The following TMEM272 variants were observed in gnomAD, a reference collection of about 807,000 sequenced individuals.
TMEM272 encodes the protein transmembrane protein 272.
Under a neutral mutation model 3.7 loss-of-function variants are expected in TMEM272, and 8 were observed. The ratio of observed to expected loss-of-function variants is 2.17; its 90% CI spans 1.27 to 3.91. The LOEUF (loss-of-function observed/expected upper bound fraction) is 3.91, where lower values mean the gene tolerates loss of function less well. TMEM272 is among the 30% of genes most tolerant of loss of function. The pLI, the probability that TMEM272 is intolerant of heterozygous loss-of-function variation, is 0.00. For synonymous variants in TMEM272, 63 were observed against 39.8 expected (o/e 1.58, Z -2.20); for missense variants, 166 against 91.5 (o/e 1.81, Z -3.32).
intron 3 of TMEM272, among the ~76,000 whole-genome samples, chr13:51,822,978 G>C (rs1025660060): frequency 6.6e-6 from 1 of 152,254 alleles, no homozygotes; most frequent in African/African-American, 2.4e-5. Flanking sequence ...ACACACCTTT[G>C]CTATGGGAGA....
chr13:51,926,279 C>G, the TMEM272 span, among the ~76,000 whole-genome samples: 1 of 152,120 alleles, frequency 6.6e-6, no homozygotes, highest in Non-Finnish European at 1.5e-5. Context: ...GAGATGGGAG[C>G]CCCTCCCGCA....
upstream of TMEM272, among the ~76,000 whole-genome samples, chr13:51,849,791 C>G (rs1473550370): frequency 3.3e-5 from 5 of 152,270 alleles, no homozygotes; most frequent in East Asian, 9.7e-4. Context: ...GCTCCAAGGC[C>G]GAGGGTCTAA....
At chr13:51,928,115 G>C in the TMEM272 span, among the ~76,000 whole-genome samples, 1 of 151,752 alleles carries the variant, frequency 6.6e-6, no homozygotes, top group Non-Finnish European at 1.5e-5. Context: ...GGTCTGGCCT[G>C]GTGTCCAGTA....
At chr13:51,890,743 C>T in the TMEM272 span, among the ~76,000 whole-genome samples, 1 of 152,198 alleles carries the variant, frequency 6.6e-6, no homozygotes, top group African/African-American at 2.4e-5. Context: ...AATGGAGTCA[C>T]TCGTGCTAGG....
chr13:51,881,763 T>C, the TMEM272 span, among the ~76,000 whole-genome samples: 1 of 152,028 alleles, frequency 6.6e-6, no homozygotes, highest in African/African-American at 2.4e-5. Flanking sequence ...AGCCAGGAAA[T>C]GAGCTCTCAC....
the TMEM272 span, among the ~76,000 whole-genome samples, chr13:51,917,664 A>G: frequency 6.6e-6 from 1 of 152,344 alleles, no homozygotes; most frequent in East Asian, 1.9e-4. Flanking sequence ...CAATTCTGCT[A>G]ATTACTAAGT....
chr13:51,921,420 C>G, the TMEM272 span: 4 of 152,224 alleles, frequency 2.6e-5, no homozygotes, highest in Admixed American at 2.0e-4. Context: ...GATCCAAGGG[C>G]AGGAAAGAAG....
chr13:51,858,161 G>A, the TMEM272 span, among the ~76,000 whole-genome samples: 1 of 152,190 alleles, frequency 6.6e-6, no homozygotes, highest in Admixed American at 6.5e-5. Flanking sequence ...ATCTCTCTCA[G>A]TAACTGACAG....
rs376172918 is a variant in TMEM272, at chr13:51,824,932, G to A, written c.118+1634C>T. Among the ~76,000 whole-genome samples the A allele has an allele frequency of 3.9e-5, 6 of 152,310 alleles. No individual in the cohort carries two copies. In the South Asian group the frequency reaches 8.3e-4, roughly 21 times the overall value. On this transcript the variant is annotated intron_variant, in intron 3 of 4. Transcript: ENST00000629372. ...CGCTCCACTGCACTCCGGCCTGGGC[G>A]ACAGAGTGAGACCCTGTCTCAAAAG...
the TMEM272 span, chr13:51,908,312 G>C: frequency 4.9e-6 from 6 of 1,221,110 alleles, no homozygotes; most frequent in Non-Finnish European, 7.0e-6. Flanking sequence ...TGTGGGGGTG[G>C]GGGTGGGGGC....
chr13:51,824,024 A>C (rs1956102677), intron 3 of TMEM272, among the ~76,000 whole-genome samples: 1 of 152,214 alleles, frequency 6.6e-6, no homozygotes, highest in East Asian at 1.9e-4. Flanking sequence ...CTTGGTGCCA[A>C]ATTTGTTGGA....
the TMEM272 span, among the ~76,000 whole-genome samples, chr13:51,887,667 G>T: frequency 2.8e-4 from 43 of 152,134 alleles, no homozygotes; most frequent in Non-Finnish European, 4.9e-4. Flanking sequence ...CCTACTTAAA[G>T]GGAATTAGAG....
At chr13:51,896,468 A>AC in the TMEM272 span, among the ~76,000 whole-genome samples, 1 of 152,108 alleles carries the variant, frequency 6.6e-6, no homozygotes, top group African/African-American at 2.4e-5. Context: ...AGGAGAGGGC[A>AC]CCCTCTCACA....
chr13:51,855,180 G>C, the TMEM272 span, among the ~76,000 whole-genome samples: 16 of 152,312 alleles, frequency 1.1e-4, no homozygotes, highest in African/African-American at 3.4e-4. Flanking sequence ...TGCACCCAAG[G>C]ATCTATCAGC....
chr13:51,860,381 T>A, the TMEM272 span, among the ~76,000 whole-genome samples: 1 of 152,128 alleles, frequency 6.6e-6, no homozygotes, highest in African/African-American at 2.4e-5. Flanking sequence ...GGCTCACACC[T>A]ATAATCCCAA....
the TMEM272 span, among the ~76,000 whole-genome samples, chr13:51,897,349 C>T: frequency 6.8e-6 from 1 of 146,932 alleles, no homozygotes; most frequent in Non-Finnish European, 1.5e-5. Flanking sequence ...ATGCATGCCA[C>T]CATGTCTGGC....
At chr13:51,902,769 C>T in the TMEM272 span, among the ~76,000 whole-genome samples, 1 of 152,268 alleles carries the variant, frequency 6.6e-6, no homozygotes, top group East Asian at 1.9e-4. Context: ...CTGACACACA[C>T]AGACTGTGAA....
rs1423717369 is a variant in TMEM272 at position 51,813,566 on chromosome 13, C to T, written c.*3185G>A. Reference sequence around the variant, plus strand: ...AAGCCAGTCCAGGCTGTATGTGTGGCCCGAGTGCACACATGCGGTTTCTCT... The same window carrying T: ...AAGCCAGTCCAGGCTGTATGTGTGGTCCGAGTGCACACATGCGGTTTCTCT... On this transcript the variant is annotated 3_prime_UTR_variant, in exon 5 of 5. Coordinates refer to ENST00000629372, the MANE Select transcript of TMEM272 (RefSeq NM_001351003.2). 7.0e-6 allele frequency: 2 copies of T among 286,338 alleles called. No homozygotes were observed. Among genetic ancestry groups the T allele is most frequent in the Non-Finnish European group, 1.3e-5 (2 of 155,674 alleles). 17.7% of individuals were successfully genotyped at this position (286,338 alleles called of 1,614,324 possible).
the TMEM272 span, among the ~76,000 whole-genome samples, chr13:51,898,239 A>AAAT: frequency 2.3e-5 from 2 of 85,546 alleles, no homozygotes; most frequent in Non-Finnish European, 5.7e-5. Flanking sequence ...ATAAATAAAT[A>AAAT]AAATAAAATA....
Sources: allele counts gnomAD v4.1 joint callset (sites outside exome capture counted in the v4.1 genomes callset), GRCh38; gene constraint gnomAD v4.1.1; transcripts MANE v1.5; gene names NCBI Gene and HGNC (gene_info 2026-07-23, HGNC 2026-07-21).